The following ANKRD6 variants were observed in gnomAD, a reference collection of about 807,000 sequenced individuals.
The protein encoded by ANKRD6 is ankyrin repeat domain 6, also known as ankyrin repeat domain-containing protein 6.
Under a neutral mutation model 82.3 loss-of-function variants are expected in ANKRD6, and 56 were observed. The ratio of observed to expected loss-of-function variants is 0.68; its 90% CI spans 0.55 to 0.85. The LOEUF is 0.85. Ranked by LOEUF, ANKRD6 falls within the 40% of genes least tolerant of loss-of-function variation. The probability of loss-of-function intolerance (pLI) is 0.00; values close to 1 mark genes in which losing one functional copy is unlikely to be tolerated. For synonymous variants in ANKRD6, 347 were observed against 352.1 expected, an observed-to-expected ratio of 0.99 and a Z score of 0.16; for missense variants, 852 against 907.6, an observed-to-expected ratio of 0.94 and a Z score of 0.79.
At chr6:89,586,947 G>A (rs1010809201) in intron 2 of ANKRD6, among the ~76,000 whole-genome samples, 1 of 152,054 alleles carries the variant, frequency 6.6e-6, no homozygotes, top group African/African-American at 2.4e-5. Flanking sequence ...CTAGCACTTT[G>A]GGAGGCTGAG....
At chr6:89,526,579 G>C (rs748378700) in intron 1 of ANKRD6, among the ~76,000 whole-genome samples, 22 of 152,180 alleles carry the variant, frequency 1.4e-4, no homozygotes, top group Non-Finnish European at 5.9e-5. Context: ...ACCATTTCCT[G>C]ATGGGTATGG....
At chr6:89,619,291 C>T (rs1234172159) in intron 9 of ANKRD6, among the ~76,000 whole-genome samples, 1 of 152,124 alleles carries the variant, frequency 6.6e-6, no homozygotes, top group Non-Finnish European at 1.5e-5. Flanking sequence ...GCTAGTCTCT[C>T]ATGGATCTAA....
chr6:89,597,691 G>A (rs1796207807), intron 3 of ANKRD6, among the ~76,000 whole-genome samples: 1 of 152,218 alleles, frequency 6.6e-6, no homozygotes, highest in South Asian at 2.1e-4. Flanking sequence ...CTTTTAGACA[G>A]AGAGAGTCCC....
intron 1 of ANKRD6, among the ~76,000 whole-genome samples, chr6:89,478,820 C>T (rs1052193498): frequency 2.0e-5 from 3 of 149,072 alleles, no homozygotes; most frequent in African/African-American, 7.4e-5. Context: ...AGAAATGAGA[C>T]ATACATAGAA....
intron 14 of ANKRD6, 137 bp from the exon 15 acceptor site, chr6:89,628,975 C>T: frequency 6.4e-6 from 6 of 943,260 alleles, no homozygotes; most frequent in Non-Finnish European, 9.2e-6. Flanking sequence ...CAAGCCATAA[C>T]TTTTGGGTTT....
intron 1 of ANKRD6, among the ~76,000 whole-genome samples, chr6:89,546,844 T>A (rs1271877027): frequency 6.6e-6 from 1 of 152,180 alleles, no homozygotes; most frequent in Non-Finnish European, 1.5e-5. Context: ...CATAGGACCT[T>A]CTCACTGTGA....
intron 6 of ANKRD6, 151 bp from the exon 7 acceptor site, chr6:89,613,641 G>A: frequency 1.4e-6 from 1 of 712,360 alleles, no homozygotes. Flanking sequence ...GGCGAGCCTT[G>A]GGGTGGAGCA....
At chr6:89,543,464 C>T (rs185134608) in intron 1 of ANKRD6, among the ~76,000 whole-genome samples, 91 of 152,266 alleles carry the variant, frequency 6.0e-4, no homozygotes, top group African/African-American at 2.1e-3. Flanking sequence ...CATAAGCCCC[C>T]ACTCTAACGA....
intron 2 of ANKRD6, among the ~76,000 whole-genome samples, chr6:89,571,594 G>A (rs562403465): frequency 6.6e-6 from 1 of 151,996 alleles, no homozygotes; most frequent in South Asian, 2.1e-4. Flanking sequence ...TTCTCATTCT[G>A]TGGTTGCCTT....
intron 1 of ANKRD6, among the ~76,000 whole-genome samples, chr6:89,559,509 A>G (rs1787084451): frequency 2.0e-5 from 3 of 152,270 alleles, no homozygotes. Flanking sequence ...TTTCAGTGGA[A>G]AAACTGGGGA....
At chr6:89,618,862 T>C (rs1306479212) in intron 9 of ANKRD6, among the ~76,000 whole-genome samples, 1 of 152,224 alleles carries the variant, frequency 6.6e-6, no homozygotes, top group African/African-American at 2.4e-5. Context: ...TTCCTTAATG[T>C]TGGACATTTA....
At chr6:89,452,259 G>A (rs992518998) in intron 1 of ANKRD6, among the ~76,000 whole-genome samples, 3 of 152,188 alleles carry the variant, frequency 2.0e-5, no homozygotes, top group Admixed American at 1.3e-4. Context: ...TCCCAGTTAC[G>A]TAAAGTTGTT....
Position 89,623,971 on chromosome 6 carries a change from C to T in ANKRD6, c.1132C>T (p.Arg378Trp), listed in dbSNP as rs757108113. 11 of 1,613,648 alleles carry T rather than the reference C, an allele frequency of 6.8e-6. No homozygotes were observed. The highest frequency in any genetic ancestry group is 2.2e-5 in the South Asian group (2 of 91,068). The change falls in exon 12 of 16, where the codon CGG becomes TGG. Residue 378 changes from arginine to tryptophan, a missense_variant. By Grantham distance (101) the Arg-to-Trp change is moderately radical. Coordinates refer to ENST00000339746, the MANE Select transcript of ANKRD6 (RefSeq NM_001242809.2). ...TCACCCTAAAAAGAGGAACAGGCAT[C>T]GGTGTTCATCCCCACCCCCACCCCA... ...HNHPKKRNRHRCSSPPPPHEF... is the reference protein window; with the variant it reads ...HNHPKKRNRHWCSSPPPPHEF...
At chr6:89,618,227 C>T in intron 9 of ANKRD6, 196 bp downstream of exon 9, 2 of 707,208 alleles carry the variant, frequency 2.8e-6, no homozygotes, top group East Asian at 2.7e-5. Context: ...CGTGTTCATG[C>T]CTGGGCCGCC....
intron 1 of ANKRD6, among the ~76,000 whole-genome samples, chr6:89,453,470 A>G (rs1017186770): frequency 3.9e-5 from 6 of 152,178 alleles, no homozygotes; most frequent in African/African-American, 7.2e-5. Flanking sequence ...AACTTATGAT[A>G]TACAACAAGC....
intron 1 of ANKRD6, among the ~76,000 whole-genome samples, chr6:89,559,220 C>G (rs1787044769): frequency 6.6e-6 from 1 of 152,224 alleles, no homozygotes; most frequent in African/African-American, 2.4e-5. Flanking sequence ...CAAGCTCCAG[C>G]TGCAGTTGTC....
chr6:89,630,597 G>C lies in ANKRD6; in HGVS notation c.1777G>C (p.Val593Leu). ...AGGCTCCCGACTGAGAAACGTCAAG[G>C]TCCAGACAGCCTTGCTACCCATGAA... ...CTGSRLRNVK[V>L]QTALLPMNEA... Residue 593 changes from valine (V) to leucine (L), a missense_variant, in exon 16 of 16, where the codon GTC becomes CTC. Coordinates refer to ENST00000339746, the MANE Select transcript of ANKRD6 (RefSeq NM_001242809.2). 1 of 1,613,880 alleles carries C rather than the reference G, an allele frequency of 6.2e-7. No individual in the cohort carries two copies.
chr6:89,477,154 C>A (rs1432375919), intron 1 of ANKRD6, among the ~76,000 whole-genome samples: 5 of 152,132 alleles, frequency 3.3e-5, no homozygotes, highest in African/African-American at 1.2e-4. Flanking sequence ...CCGTATTAGC[C>A]AGGATGGTCT....
rs1265341839 is a variant in ANKRD6, at chr6:89,612,272, G to C, written c.418G>C (p.Ala140Pro). The change falls in exon 6 of 16, where the codon GCG becomes CCG. Residue 140 changes from alanine to proline, a missense_variant and splice_region_variant. By Grantham distance (27) the Ala-to-Pro change is conservative. Coordinates refer to ENST00000339746, the MANE Select transcript of ANKRD6 (RefSeq NM_001242809.2). The stretch of plus-strand genomic sequence containing the variant: ...CTCCCTCTCTCTGCCTCTCTCCAAG[G>C]CGGGGAACACAGCTCTGCACCTGGC... Reference protein sequence around the residue: ...AGANVLAKNKAGNTALHLACQ... With the variant: ...AGANVLAKNKPGNTALHLACQ... The C allele has an allele frequency of 6.4e-7, 1 of 1,556,386 alleles. No individual in the cohort carries two copies.
Sources: gnomAD v4.1 joint callset for allele counts (sites outside exome capture counted in the v4.1 genomes callset) on GRCh38, gnomAD v4.1.1 for gene constraint, MANE v1.5 for transcripts, NCBI Gene and HGNC (gene_info 2026-07-23, HGNC 2026-07-21) for gene names.